Variants in CDH13 observed in about 807,000 individuals in gnomAD.
CDH13 encodes cadherin-13.
A neutral mutation model predicts 63.8 loss-of-function variants in CDH13; 24 were observed. The observed-to-expected ratio is 0.38, with a 90% CI of 0.27 to 0.53. The LOEUF is 0.53. CDH13 is among the 20% of genes least tolerant of loss of function. CDH13 has a pLI of 0.85. For missense variants in CDH13, 1,049 were observed against 903.1 expected (o/e 1.16, Z -2.07); for synonymous variants, 503 against 355.3 (o/e 1.42, Z -4.67).
chr16:83,581,020 A>T (rs1481672025), intron 7 of CDH13, among the ~76,000 whole-genome samples: 1 of 152,168 alleles, frequency 6.6e-6, no homozygotes, highest in African/African-American at 2.4e-5. Context: ...GGTGCCATTT[A>T]TTCTGTTTAT....
intron 6 of CDH13, among the ~76,000 whole-genome samples, chr16:83,350,080 G>A (rs998223299): frequency 6.6e-6 from 1 of 152,198 alleles, no homozygotes; most frequent in African/African-American, 2.4e-5. Context: ...CTGTCCCCAA[G>A]GATGGGGGGC....
chr16:82,989,229 G>T lies in CDH13; in HGVS notation c.158-42781G>T, dbSNP rs142271908. On this transcript the variant is annotated intron_variant, in intron 2 of 13. Transcript: ENST00000567109. ...AAAGGAAAAGACCTCAAGGAATGGG[G>T]CTGTCTGTGGGGCCTATATTTATGT... Among the ~76,000 whole-genome samples, 1,083 of 152,274 alleles carry T rather than the reference G, an allele frequency of 7.1e-3. 13 individuals carry two copies. The highest frequency in any genetic ancestry group is 0.025 in the African/African-American group (1,020 of 41,554).
chr16:83,445,298 A>ATTATAAAAGCTTTTATAAT (rs1567677448), intron 6 of CDH13, among the ~76,000 whole-genome samples: 20 of 130,028 alleles, frequency 1.5e-4, no homozygotes, highest in South Asian at 2.7e-4. Flanking sequence ...GGTTTTATAA[A>ATTATAAAAGCTTTTATAAT]TTATAAAAGG....
intron 2 of CDH13, among the ~76,000 whole-genome samples, chr16:83,001,394 G>C (rs1326632361): frequency 1.3e-5 from 2 of 152,214 alleles, no homozygotes; most frequent in Admixed American, 6.5e-5. Flanking sequence ...TATTCAGCAT[G>C]TTCAAGCAAA....
chr16:83,146,142 C>T (rs375716250), intron 4 of CDH13, among the ~76,000 whole-genome samples: 2 of 135,430 alleles, frequency 1.5e-5, no homozygotes, highest in South Asian at 4.6e-4. Flanking sequence ...TACAGTGAGC[C>T]AAGATTGTGC....
At chr16:83,691,337 T>C (rs552530449) in intron 10 of CDH13, among the ~76,000 whole-genome samples, 1 of 152,204 alleles carries the variant, frequency 6.6e-6, no homozygotes, top group South Asian at 2.1e-4. Flanking sequence ...GTGCTACAGA[T>C]AGAAGCCTGG....
chr16:83,665,821 G>A (rs926000698), intron 8 of CDH13, among the ~76,000 whole-genome samples: 2 of 152,042 alleles, frequency 1.3e-5, no homozygotes, highest in African/African-American at 4.8e-5. Context: ...TTAATCTAAA[G>A]GTCAACTTTC....
At chr16:83,494,571 TGA>T (rs2074092763) in intron 7 of CDH13, among the ~76,000 whole-genome samples, 2 of 152,194 alleles carry the variant, frequency 1.3e-5, no homozygotes, top group African/African-American at 4.8e-5. Context: ...AAAAGTTGGT[TGA>T]GAGTTTTTGG....
At chr16:82,995,412 G>A (rs76011651) in intron 2 of CDH13, among the ~76,000 whole-genome samples, 3,305 of 152,296 alleles carry the variant, frequency 0.022, 45 homozygotes, top group South Asian at 0.031. Context: ...AAGGCAAGAA[G>A]TCTATTTTCC....
At chr16:83,679,771 T>G (rs1915255880) in intron 10 of CDH13, among the ~76,000 whole-genome samples, 1 of 152,220 alleles carries the variant, frequency 6.6e-6, no homozygotes, top group Non-Finnish European at 1.5e-5. Flanking sequence ...CAGGTGAGCT[T>G]AAGTGTCATC....
chr16:83,617,095 G>A (rs916896692), intron 8 of CDH13, among the ~76,000 whole-genome samples: 3 of 151,996 alleles, frequency 2.0e-5, no homozygotes, highest in Admixed American at 6.6e-5. Context: ...ATTGCCTTTC[G>A]CTTGTGGACT....
intron 2 of CDH13, among the ~76,000 whole-genome samples, chr16:82,921,864 A>G (rs1252580202): frequency 6.6e-6 from 1 of 152,130 alleles, no homozygotes; most frequent in East Asian, 1.9e-4. Context: ...TTACCTGTAA[A>G]TCTATCTGGG....
At chr16:83,269,569 C>T (rs2088734939) in intron 5 of CDH13, among the ~76,000 whole-genome samples, 1 of 152,046 alleles carries the variant, frequency 6.6e-6, no homozygotes, top group Admixed American at 6.6e-5. Flanking sequence ...AGATTCCCAC[C>T]CCAGTAAGAA....
At chr16:83,599,144 T>A (rs1907545865) in intron 7 of CDH13, among the ~76,000 whole-genome samples, 1 of 152,182 alleles carries the variant, frequency 6.6e-6, no homozygotes, top group Non-Finnish European at 1.5e-5. Context: ...AGGGAGTGGG[T>A]ATCAGGACAG....
At chr16:83,472,788 G>C (rs185966487) in intron 6 of CDH13, among the ~76,000 whole-genome samples, 1 of 152,046 alleles carries the variant, frequency 6.6e-6, no homozygotes. Flanking sequence ...ATCTCCTTTT[G>C]CTCCTTAAAT....
intron 7 of CDH13, among the ~76,000 whole-genome samples, chr16:83,584,248 G>C (rs937824129): frequency 6.6e-6 from 1 of 152,130 alleles, no homozygotes; most frequent in Non-Finnish European, 1.5e-5. Flanking sequence ...AGAATGGCGT[G>C]AACCCAGGAG....
intron 10 of CDH13, among the ~76,000 whole-genome samples, chr16:83,684,748 C>G (rs1485753660): frequency 6.6e-6 from 1 of 152,050 alleles, no homozygotes; most frequent in Non-Finnish European, 1.5e-5. Context: ...CTGCTCAACA[C>G]TTTTTTTTGG....
chr16:83,432,057 C>T (rs1371807853), intron 6 of CDH13, among the ~76,000 whole-genome samples: 1 of 152,110 alleles, frequency 6.6e-6, no homozygotes, highest in Non-Finnish European at 1.5e-5. Context: ...AGGTAGAAGG[C>T]TTCTGCAATT....
rs2090010910 is a variant in CDH13, at chr16:83,312,001, A to C, written c.637-32861A>C. ...GGCAGGAGAATCACTTGAACCCGGG[A>C]GGCGGAAGTTGCAGTGAGCTGAGAT... On this transcript the variant is annotated intron_variant, in intron 5 of 13. Transcript: ENST00000567109. Among the ~76,000 whole-genome samples the C allele has an allele frequency of 7.3e-5, 10 of 136,846 alleles. No homozygotes were observed. The South Asian group carries it at 2.4e-3, about 34-fold the overall frequency. 89.8% of individuals were successfully genotyped at this position (136,846 alleles called of 152,430 possible).
Sources: gnomAD v4.1 joint callset for allele counts (sites outside exome capture counted in the v4.1 genomes callset) on GRCh38, gnomAD v4.1.1 for gene constraint, MANE v1.5 for transcripts, NCBI Gene and HGNC (gene_info 2026-07-23, HGNC 2026-07-21) for gene names.